Variants in AGAP3 observed in about 807,000 individuals in gnomAD.
AGAP3 encodes the protein arf-GAP with GTPase, ANK repeat and PH domain-containing protein 3.
In AGAP3, 24 loss-of-function variants were observed where a neutral mutation model predicts 96.9. The ratio of observed to expected loss-of-function variants is 0.25; its 90% CI spans 0.18 to 0.35. The LOEUF is 0.35. AGAP3 is among the 10% of genes least tolerant of loss of function. The pLI, the probability that AGAP3 is intolerant of heterozygous loss-of-function variation, is 1.00. For synonymous variants in AGAP3, 563 were observed against 536.1 expected, an observed-to-expected ratio of 1.05 and a Z score of -0.69; for missense variants, 876 against 1,254.2, an observed-to-expected ratio of 0.70 and a Z score of 4.55.
At position 151,143,539 on chromosome 7, in the gene AGAP3, G is replaced by A. The variant is rs1355882407; in HGVS notation, c.2472G>A (p.Thr824=). The change falls in exon 17 of 18, where the codon ACG becomes ACA. Residue 824 remains threonine, a synonymous_variant. Transcript: ENST00000397238. This position sits in a 1 kb window ranked among gnomAD's most constrained non-coding sequence, Gnocchi z 5.9. ...NETYGDGDGR[T]ALHLSSAMAN... is the part of the protein sequence containing the mutation. ...CCTATGGGGACGGGGACGGGCGGAC[G>A]GCTCTACATCTCTCCAGTGCCATGG... 3.1e-6 allele frequency: 5 copies of A among 1,613,850 alleles called. No individual in the cohort carries two copies. The Admixed American group carries it at 5.0e-5, about 16-fold the overall frequency.
chr7:151,128,529 C>T (rs766806285), intron 9 of AGAP3, 51 bp from the exon 10 acceptor site: 1 of 1,537,664 alleles, frequency 6.5e-7, no homozygotes, highest in Admixed American at 1.7e-5. Context: ...TCCTCATGCC[C>T]TATGACCTAG....
At chr7:151,111,587 C>A (rs1413189419) in intron 1 of AGAP3, among the ~76,000 whole-genome samples, 3 of 151,848 alleles carry the variant, frequency 2.0e-5, no homozygotes, top group Non-Finnish European at 4.4e-5. Context: ...CGGCCCCTCA[C>A]CCCCCTGTGC....
chr7:151,112,396 C>CGTGTGTGTGTGTGTGTGTGT (rs71819427), intron 1 of AGAP3, among the ~76,000 whole-genome samples: 2 of 139,848 alleles, frequency 1.4e-5, no homozygotes, highest in East Asian at 2.1e-4. Flanking sequence ...TTCCCCGAGA[C>CGTGTGTGTGTGTGTGTGTGT]GTGTGTGTGT....
At position 151,114,685 on chromosome 7, in the gene AGAP3, G is replaced by A; in HGVS notation, c.332-2108G>A. On this transcript the variant is annotated intron_variant, in intron 1 of 17. Coordinates refer to ENST00000397238, the MANE Select transcript of AGAP3 (RefSeq NM_031946.7). The surrounding 1 kb of genome is among the most constrained non-coding windows in gnomAD (Gnocchi z 4.4). ...CACACCAGGTGCCCAGAGGCCGGAG[G>A]TCCGTGCGCCCCGGCCGCGGCCCCG... The A allele has an allele frequency of 1.0e-6, 1 of 990,562 alleles. No homozygotes were observed. Among genetic ancestry groups the A allele is most frequent in the Non-Finnish European group, 1.2e-6 (1 of 832,848 alleles). 61.4% of individuals were successfully genotyped at this position (990,562 alleles called of 1,614,324 possible). A position where few individuals can be genotyped will look rare whatever the true frequency, so the allele number is the denominator to read the frequency against.
intron 1 of AGAP3, among the ~76,000 whole-genome samples, chr7:151,105,011 C>T (rs1309415657): frequency 1.3e-5 from 2 of 152,190 alleles, no homozygotes; most frequent in Non-Finnish European, 2.9e-5. Context: ...GCTGGGAAGA[C>T]AGTCACTCAG....
intron 1 of AGAP3, among the ~76,000 whole-genome samples, chr7:151,111,417 G>A (rs1359856741): frequency 6.6e-6 from 1 of 152,160 alleles, no homozygotes; most frequent in African/African-American, 2.4e-5. Flanking sequence ...TGTGGGCCAC[G>A]TGGGCTGCAG....
intron 1 of AGAP3, 28 bp downstream of exon 1, chr7:151,087,100 C>G (rs1446033172): frequency 1.3e-6 from 2 of 1,568,242 alleles, no homozygotes; most frequent in Non-Finnish European, 1.7e-6. Flanking sequence ...CTGCGGGAGC[C>G]GGGGCGCAGT....
intron 10 of AGAP3, among the ~76,000 whole-genome samples, chr7:151,134,119 G>A (rs1023559185): frequency 5.5e-4 from 84 of 152,116 alleles, no homozygotes; most frequent in African/African-American, 1.4e-4. Flanking sequence ...CTCTGAAGCC[G>A]TTGTTCCTGA....
chr7:151,104,586 G>A (rs1798966098), intron 1 of AGAP3, among the ~76,000 whole-genome samples: 1 of 152,334 alleles, frequency 6.6e-6, no homozygotes, highest in Non-Finnish European at 1.5e-5. Flanking sequence ...AATCAGGGGC[G>A]TGCCCATCAG....
chr7:151,144,133 T>A lies in AGAP3; in HGVS notation c.*190T>A. The stretch of plus-strand genomic sequence containing the variant: ...GGATTTGAGCTGCAGCAGAGAGGGA[T>A]GAGGGATTTAGCCCTCTGCCCTAAG... On this transcript the variant is annotated 3_prime_UTR_variant, in exon 18 of 18. Coordinates refer to ENST00000397238, the MANE Select transcript of AGAP3 (RefSeq NM_031946.7). 1.5e-6 allele frequency: 1 copy of A among 669,706 alleles called. No homozygotes were observed. Among genetic ancestry groups the A allele is most frequent in the African/African-American group, 1.8e-5 (1 of 55,188 alleles). The allele number at this position is 669,706 out of a possible 1,614,324, so 41.5% of individuals were successfully genotyped here.
intron 11 of AGAP3, 27 bp downstream of exon 11, chr7:151,134,595 T>G (rs776547515): frequency 1.0e-5 from 16 of 1,573,970 alleles, no homozygotes; most frequent in Non-Finnish European, 1.2e-5. Flanking sequence ...GGTGGGGGCC[T>G]GGGGGGTGGC....
At chr7:151,137,813 CAA>C in intron 11 of AGAP3, 1 of 373,294 alleles carries the variant, frequency 2.7e-6, no homozygotes, top group Non-Finnish European at 4.8e-6. Flanking sequence ...AGGGGCCCCT[CAA>C]GGAGCACTGC....
intron 10 of AGAP3, among the ~76,000 whole-genome samples, chr7:151,131,475 G>A (rs1026239649): frequency 1.3e-5 from 2 of 152,144 alleles, no homozygotes; most frequent in African/African-American, 2.4e-5. Context: ...CGTGGTGACC[G>A]CTCTCCTGAG....
rs1799653831 is a variant in AGAP3 at position 151,117,527 on chromosome 7, C to T, written c.564+71C>T. 3.1e-6 allele frequency: 5 copies of T among 1,612,802 alleles called. No homozygotes were observed. The Admixed American group carries it at 5.0e-5, about 16-fold the overall frequency. On this transcript the variant is annotated intron_variant, in intron 4 of 17. Transcript: ENST00000397238. ...CCTTTCTCGAGCTTGCTGGTTGGGA[C>T]TGGGAGAGGTGGTATGTCCAGGGAG...
intron 1 of AGAP3, among the ~76,000 whole-genome samples, chr7:151,103,516 A>G (rs1347313596): frequency 6.6e-6 from 1 of 151,996 alleles, no homozygotes; most frequent in Non-Finnish European, 1.5e-5. Context: ...ATTTTACCGC[A>G]TTTGCTGGCT....
rs1327547191 is a variant in AGAP3, at chr7:151,138,302, T to G, written c.1655T>G (p.Met552Arg). 5 of 1,611,466 alleles carry G rather than the reference T, an allele frequency of 3.1e-6. No homozygotes were observed. The highest frequency in any genetic ancestry group is 4.2e-6 in the Non-Finnish European group (5 of 1,179,008). ...GCCACCACTTCCCTGCCCCCAGGCATGCAGCACCCTGGTGAGTGGTGGCTC... is the reference window on the plus strand; with the variant it reads ...GCCACCACTTCCCTGCCCCCAGGCAGGCAGCACCCTGGTGAGTGGTGGCTC... ...SEATTSLPPGMQHPASGPAEV... is the reference protein window; with the variant it reads ...SEATTSLPPGRQHPASGPAEV... The change falls in exon 12 of 18, where the codon ATG becomes AGG. Residue 552 changes from methionine (M) to arginine (R), a missense_variant. Around this residue, in one of 8 missense-constraint regions of AGAP3, gnomAD observed 155 missense variants for 144.4 expected, o/e 1.07. Coordinates refer to ENST00000397238, the MANE Select transcript of AGAP3 (RefSeq NM_031946.7).
At chr7:151,095,684 G>A (rs1798575279) in intron 1 of AGAP3, among the ~76,000 whole-genome samples, 2 of 97,028 alleles carry the variant, frequency 2.1e-5, no homozygotes, top group Admixed American at 3.5e-4. Flanking sequence ...TAAATGTCTT[G>A]TCCAATCACA....
In AGAP3 at chr7:151,118,617, C is replaced by T. The variant is rs763255239; in HGVS notation, c.954C>T (p.Ala318=). 3.7e-5 allele frequency: 60 copies of T among 1,613,342 alleles called. No individual in the cohort carries two copies. The highest frequency in any genetic ancestry group is 1.6e-4 in the Middle Eastern group (1 of 6,084). Residue 318 remains alanine, a synonymous_variant, in exon 7 of 18, where the codon GCC becomes GCT. Transcript: ENST00000397238. This position sits in a 1 kb window ranked among gnomAD's most constrained non-coding sequence, Gnocchi z 6.1. ...HSAVSAASIP[A]VHINQATNGG... Reference sequence around the variant, plus strand: ...CCGTGTCCGCCGCCTCCATCCCGGCCGTGCACATCAACCAGGTTCGGCCTG... The same window carrying T: ...CCGTGTCCGCCGCCTCCATCCCGGCTGTGCACATCAACCAGGTTCGGCCTG...
chr7:151,128,016 G>A (rs1443792603), intron 9 of AGAP3, among the ~76,000 whole-genome samples: 2 of 152,190 alleles, frequency 1.3e-5, no homozygotes, highest in African/African-American at 2.4e-5. Context: ...TGTGGTTGCT[G>A]GGAGGGAAGG....
Sources: gnomAD v4.1 joint callset for allele counts (sites outside exome capture counted in the v4.1 genomes callset) on GRCh38, gnomAD v4.1.1 for gene constraint, gnomAD v4.1.1 regional missense constraint, Gnocchi (gnomAD v3.1) non-coding constraint, MANE v1.5 for transcripts, NCBI Gene and HGNC (gene_info 2026-07-23, HGNC 2026-07-21) for gene names.